The following MSL2 variants were observed in gnomAD, a reference collection of about 807,000 sequenced individuals.
MSL2 encodes MSL complex subunit 2.
A neutral mutation model predicts 35.8 loss-of-function variants in MSL2; 2 were observed. That is an observed-to-expected ratio of 0.06 (90% CI 0.02 to 0.18). The LOEUF (loss-of-function observed/expected upper bound fraction) is 0.18, where lower values mean the gene tolerates loss of function less well. Ranked by LOEUF, MSL2 falls within the 10% of genes least tolerant of loss-of-function variation. The pLI is 1.00. For synonymous variants in MSL2, 296 were observed against 255.7 expected, an observed-to-expected ratio of 1.16 and a Z score of -1.50; for missense variants, 523 against 706.7, an observed-to-expected ratio of 0.74 and a Z score of 2.95.
chr3:136,177,664 G>C (rs1161150476), intron 1 of MSL2, among the ~76,000 whole-genome samples: 1 of 141,746 alleles, frequency 7.1e-6, no homozygotes, highest in South Asian at 2.2e-4. Context: ...GGGCGACAGA[G>C]CGAGACTCCG....
rs992484727 is a variant in MSL2 at position 136,150,366 on chromosome 3, T to C, written c.*781A>G. 8 of 152,518 alleles carry C rather than the reference T, an allele frequency of 5.2e-5. No homozygotes were observed. The highest frequency in any genetic ancestry group is 4.6e-4 in the Admixed American group (7 of 15,280). The allele number at this position is 152,518 out of a possible 1,614,324, so 9.4% of individuals were successfully genotyped here. A position where few individuals can be genotyped will look rare whatever the true frequency, so the allele number is the denominator to read the frequency against. ...ATTACTAAATAAAATCTTTTTATAA[T>C]TTTAAAAAAATTCTGTCACATACTA... On this transcript the variant is annotated 3_prime_UTR_variant, in exon 2 of 2. Transcript: ENST00000309993.
At chr3:136,155,517 TAAATA>T (rs1347038080) in intron 1 of MSL2, 3 of 184,920 alleles carry the variant, frequency 1.6e-5, no homozygotes, top group African/African-American at 7.2e-5. Flanking sequence ...CTCAAAAAAA[TAAATA>T]AATAAATTTA....
chr3:136,195,534 C>T lies in MSL2; in HGVS notation c.-421G>A. The stretch of plus-strand genomic sequence containing the variant: ...TGGCAGGCGCGGGAGCAGGCCCCGG[C>T]CCCGTCTGAGGCGCGGCACGCTTCT... On this transcript the variant is annotated 5_prime_UTR_variant, in exon 1 of 2. Transcript: ENST00000309993. 1 of 1,007,288 alleles carries T rather than the reference C, an allele frequency of 9.9e-7. No individual in the cohort carries two copies. Among genetic ancestry groups the T allele is most frequent in the Non-Finnish European group, 1.2e-6 (1 of 844,278 alleles). The allele number at this position is 1,007,288 out of a possible 1,614,324, so 62.4% of individuals were successfully genotyped here. A position where few individuals can be genotyped will look rare whatever the true frequency, so the allele number is the denominator to read the frequency against.
At chr3:136,154,960 A>G (rs1430328269) in intron 1 of MSL2, among the ~76,000 whole-genome samples, 1 of 152,204 alleles carries the variant, frequency 6.6e-6, no homozygotes, top group Non-Finnish European at 1.5e-5. Context: ...TGCAAATCCC[A>G]GCACTTTGGG....
chr3:136,191,415 C>A (rs1047823227), intron 1 of MSL2, among the ~76,000 whole-genome samples: 42 of 150,312 alleles, frequency 2.8e-4, no homozygotes, highest in Admixed American at 6.0e-4. Flanking sequence ...TTGCAGTGAG[C>A]CGAGATTGCG....
chr3:136,177,451 G>A (rs1576369273), intron 1 of MSL2, among the ~76,000 whole-genome samples: 1 of 152,124 alleles, frequency 6.6e-6, no homozygotes, highest in Non-Finnish European at 1.5e-5. Flanking sequence ...GAGGCAGGAG[G>A]ATCATGAGGT....
chr3:136,181,714 T>G (rs1455002332), intron 1 of MSL2, among the ~76,000 whole-genome samples: 1 of 151,404 alleles, frequency 6.6e-6, no homozygotes, highest in Non-Finnish European at 1.5e-5. Context: ...AGGTCAGGAG[T>G]TGAAGACCAG....
Position 136,149,503 on chromosome 3 carries a change from A to T in MSL2, c.*1644T>A, listed in dbSNP as rs1018398443. 1 of 151,576 alleles carries T rather than the reference A, an allele frequency of 6.6e-6. No individual in the cohort carries two copies. Among genetic ancestry groups the T allele is most frequent in the African/African-American group, 2.4e-5 (1 of 41,400 alleles). 9.4% of individuals were successfully genotyped at this position (151,576 alleles called of 1,614,324 possible). ...AATAGTTCAACTCTTCTTGCAAAACAAAAACAAAATAGTACATACTGGACA... is the reference window on the plus strand; with the variant it reads ...AATAGTTCAACTCTTCTTGCAAAACTAAAACAAAATAGTACATACTGGACA... On this transcript the variant is annotated 3_prime_UTR_variant, in exon 2 of 2. Coordinates refer to ENST00000309993, the MANE Select transcript of MSL2 (RefSeq NM_018133.4).
chr3:136,156,636 A>ATG (rs1939532909), intron 1 of MSL2, among the ~76,000 whole-genome samples: 1 of 152,132 alleles, frequency 6.6e-6, no homozygotes, highest in Non-Finnish European at 1.5e-5. Flanking sequence ...AGGCCAAGGC[A>ATG]GGCGGATCAC....
At chr3:136,185,575 C>T (rs966079781) in intron 1 of MSL2, among the ~76,000 whole-genome samples, 29 of 150,622 alleles carry the variant, frequency 1.9e-4, no homozygotes, top group Non-Finnish European at 4.0e-4. Flanking sequence ...GTCTCACTGT[C>T]GCCCAGGCTG....
intron 1 of MSL2, among the ~76,000 whole-genome samples, chr3:136,154,651 A>G (rs1320473642): frequency 2.0e-5 from 3 of 152,262 alleles, no homozygotes; most frequent in Non-Finnish European, 4.4e-5. Context: ...AAACATCATA[A>G]GAGAAACTGA....
intron 1 of MSL2, among the ~76,000 whole-genome samples, chr3:136,158,033 C>T (rs996367207): frequency 1.3e-5 from 2 of 152,142 alleles, no homozygotes; most frequent in Non-Finnish European, 2.9e-5. Flanking sequence ...TACAAACCGC[C>T]GGGAGCAGTG....
At chr3:136,173,463 C>T (rs1452196585) in intron 1 of MSL2, among the ~76,000 whole-genome samples, 1 of 152,172 alleles carries the variant, frequency 6.6e-6, no homozygotes, top group Non-Finnish European at 1.5e-5. Context: ...TTGGTACTGA[C>T]ACTATCATTC....
intron 1 of MSL2, among the ~76,000 whole-genome samples, chr3:136,180,039 T>C (rs1052726154): frequency 1.3e-5 from 2 of 151,920 alleles, no homozygotes; most frequent in East Asian, 3.9e-4. Flanking sequence ...CACTCCAGCT[T>C]GGGCAACAGA....
intron 1 of MSL2, among the ~76,000 whole-genome samples, chr3:136,190,075 T>C (rs1359174865): frequency 6.6e-6 from 1 of 152,058 alleles, no homozygotes; most frequent in Non-Finnish European, 1.5e-5. Flanking sequence ...AGCAAGACCC[T>C]GTCTCAAAAA....
intron 1 of MSL2, among the ~76,000 whole-genome samples, chr3:136,157,727 C>T (rs1939574002): frequency 6.6e-6 from 1 of 152,062 alleles, no homozygotes. Flanking sequence ...AACTTTATGC[C>T]AACAATTTTA....
chr3:136,170,655 T>G (rs1445156180), intron 1 of MSL2, among the ~76,000 whole-genome samples: 2 of 151,306 alleles, frequency 1.3e-5, no homozygotes, highest in Non-Finnish European at 2.9e-5. Flanking sequence ...ACTACAGGCG[T>G]GCGTCACCAT....
chr3:136,160,677 C>T (rs369349407), intron 1 of MSL2, among the ~76,000 whole-genome samples: 6 of 150,944 alleles, frequency 4.0e-5, no homozygotes, highest in African/African-American at 1.5e-4. Flanking sequence ...CCATTGCACT[C>T]CAGCCTGGGA....
intron 1 of MSL2, among the ~76,000 whole-genome samples, chr3:136,184,145 A>C (rs893643432): frequency 6.6e-6 from 1 of 151,962 alleles, no homozygotes; most frequent in Non-Finnish European, 1.5e-5. Flanking sequence ...AATACAAAAA[A>C]TTAGCCGGGC....
Sources: allele counts gnomAD v4.1 joint callset (sites outside exome capture counted in the v4.1 genomes callset), GRCh38; gene constraint gnomAD v4.1.1; transcripts MANE v1.5; gene names NCBI Gene and HGNC (gene_info 2026-07-23, HGNC 2026-07-21).